PREX1: variants seen among roughly 807,000 people sequenced by gnomAD.
The protein encoded by PREX1 is phosphatidylinositol 3,4,5-trisphosphate-dependent Rac exchanger 1 protein.
PREX1 carries 41 observed loss-of-function variants against 198.3 expected under a neutral mutation model. The ratio of observed to expected loss-of-function variants is 0.21; its 90% CI spans 0.16 to 0.27. PREX1 has a LOEUF of 0.27. Ranked by LOEUF, PREX1 falls within the 10% of genes least tolerant of loss-of-function variation. The probability of loss-of-function intolerance (pLI) is 1.00; values close to 1 mark genes in which losing one functional copy is unlikely to be tolerated. For missense variants in PREX1, 1,620 were observed against 2,200.7 expected, an observed-to-expected ratio of 0.74 and a Z score of 5.28; for synonymous variants, 843 against 887.2, an observed-to-expected ratio of 0.95 and a Z score of 0.89.
chr20:48,885,041 A>G, the PREX1 span, among the ~76,000 whole-genome samples: 2 of 152,272 alleles, frequency 1.3e-5, no homozygotes, highest in African/African-American at 4.8e-5. Context: ...AAATTACTCA[A>G]CCTCTCTCTG....
intron 1 of PREX1, among the ~76,000 whole-genome samples, chr20:48,769,172 C>CA (rs1568857282): frequency 1.3e-5 from 2 of 152,188 alleles, no homozygotes; most frequent in African/African-American, 4.8e-5. Context: ...ACCCTCCACA[C>CA]ACACCCCCTC....
At chr20:48,701,475 A>G (rs2089873729) in intron 6 of PREX1, among the ~76,000 whole-genome samples, 1 of 151,868 alleles carries the variant, frequency 6.6e-6, no homozygotes, top group Non-Finnish European at 1.5e-5. Context: ...CAGCTTCCCA[A>G]AGTGTAGGGA....
At chr20:48,757,323 G>C (rs2090159790) in intron 1 of PREX1, among the ~76,000 whole-genome samples, 1 of 152,206 alleles carries the variant, frequency 6.6e-6, no homozygotes. Flanking sequence ...GTGGCAGCTT[G>C]TTTGGGCAGT....
At chr20:48,774,346 G>A (rs2090251256) in intron 1 of PREX1, among the ~76,000 whole-genome samples, 1 of 152,206 alleles carries the variant, frequency 6.6e-6, no homozygotes, top group African/African-American at 2.4e-5. Context: ...GACACACGAG[G>A]GAGGGGTTGA....
chr20:48,820,295 T>G (rs779887185), intron 1 of PREX1, among the ~76,000 whole-genome samples: 1 of 152,208 alleles, frequency 6.6e-6, no homozygotes, highest in African/African-American at 2.4e-5. Context: ...ACACAGTCAC[T>G]GTACTCCCCA....
intron 27 of PREX1, among the ~76,000 whole-genome samples, chr20:48,643,364 G>A (rs1050633217): frequency 5.9e-5 from 9 of 152,026 alleles, no homozygotes; most frequent in African/African-American, 2.2e-4. Context: ...AGCTACTCAG[G>A]AGCCTGAGGC....
At chr20:48,644,326 A>G (rs887582850) in intron 27 of PREX1, 83 bp downstream of exon 27, 12 of 1,163,026 alleles carry the variant, frequency 1.0e-5, no homozygotes, top group Middle Eastern at 3.9e-4. Context: ...AATGCAGAGG[A>G]AAGTATAATA....
chr20:48,736,148 A>G (rs2090056287), intron 3 of PREX1, among the ~76,000 whole-genome samples: 3 of 151,932 alleles, frequency 2.0e-5, no homozygotes, highest in South Asian at 4.1e-4. Flanking sequence ...CTGGCACACA[A>G]TACTTCACAA....
the PREX1 span, among the ~76,000 whole-genome samples, chr20:48,882,558 A>G: frequency 7.0e-6 from 1 of 142,988 alleles, no homozygotes; most frequent in Non-Finnish European, 1.5e-5. Context: ...TGAAGTTTCT[A>G]TGTGTATGTA....
intron 2 of PREX1, among the ~76,000 whole-genome samples, chr20:48,747,009 CA>C (rs2090111790): frequency 6.1e-5 from 8 of 130,644 alleles, no homozygotes; most frequent in South Asian, 5.3e-4. Flanking sequence ...CACACACACA[CA>C]CCCCACCCCC....
rs2089255939 is a variant in PREX1, at chr20:48,624,609, G to C, written c.*1276C>G. ...CAGGCGTCCCCCCGCTTCCTCCCCA[G>C]CTGTGACCTTTCCCTGAAGGCATAC... On this transcript the variant is annotated 3_prime_UTR_variant, in exon 40 of 40. Transcript: ENST00000371941. The C allele has an allele frequency of 6.6e-6, 1 of 152,314 alleles. No homozygotes were observed. The highest frequency in any genetic ancestry group is 1.5e-5 in the Non-Finnish European group (1 of 68,106). 9.4% of individuals were successfully genotyped at this position (152,314 alleles called of 1,614,324 possible).
chr20:48,677,121 G>C (rs1453922697), intron 13 of PREX1, among the ~76,000 whole-genome samples: 2 of 151,534 alleles, frequency 1.3e-5, no homozygotes, highest in East Asian at 1.9e-4. Context: ...CTTTAGGACT[G>C]GGGGGGTCTG....
Position 48,708,164 on chromosome 20 carries a change from G to T in PREX1, c.783+96C>A, listed in dbSNP as rs1196184413. 5 of 1,330,000 alleles carry T rather than the reference G, an allele frequency of 3.8e-6. No individual in the cohort carries two copies. In the African/African-American group the frequency reaches 4.4e-5, roughly 12 times the overall value. The allele number at this position is 1,330,000 out of a possible 1,614,324, so 82.4% of individuals were successfully genotyped here. ...CACTGTAGGCCAAACAAAATACATT[G>T]CAGACTGACAGGTGCCCAGGCCTCA... On this transcript the variant is annotated intron_variant, in intron 6 of 39. Transcript: ENST00000371941.
At chr20:48,811,030 C>A (rs2090431687) in intron 1 of PREX1, among the ~76,000 whole-genome samples, 1 of 152,176 alleles carries the variant, frequency 6.6e-6, no homozygotes, top group Non-Finnish European at 1.5e-5. Flanking sequence ...CTGTGCCCTG[C>A]AGAAGGGGCA....
chr20:48,865,367 C>A, the PREX1 span, among the ~76,000 whole-genome samples: 1 of 152,176 alleles, frequency 6.6e-6, no homozygotes. Context: ...TCTCCTACCC[C>A]CCACACAGGT....
chr20:48,866,720 C>T, the PREX1 span, among the ~76,000 whole-genome samples: 7 of 152,156 alleles, frequency 4.6e-5, no homozygotes, highest in East Asian at 1.9e-4. Flanking sequence ...TGAGTCTGGG[C>T]GCTAGAGACC....
At position 48,761,553 on chromosome 20, in the gene PREX1, G is replaced by A. The variant is rs1240594132; in HGVS notation, c.220-13673C>T. On this transcript the variant is annotated intron_variant, in intron 1 of 39. Transcript: ENST00000371941. ...CGCCCCGTTCCCCACCACATCGGGA[G>A]AGGAAGTTGATGCAAAAAACAAGTT... Among the ~76,000 whole-genome samples the A allele has an allele frequency of 4.0e-5, 6 of 151,766 alleles. No homozygotes were observed. In the East Asian group the frequency reaches 9.7e-4, roughly 24 times the overall value.
intron 30 of PREX1, among the ~76,000 whole-genome samples, chr20:48,638,420 G>A (rs2089382964): frequency 6.6e-6 from 1 of 152,104 alleles, no homozygotes; most frequent in South Asian, 2.1e-4. Flanking sequence ...GCCCTGTCCT[G>A]CAAAAAAAGC....
intron 5 of PREX1, among the ~76,000 whole-genome samples, chr20:48,711,611 A>G (rs921105777): frequency 1.1e-4 from 17 of 152,162 alleles, no homozygotes; most frequent in Non-Finnish European, 1.3e-4. Context: ...TTTTGTCGGA[A>G]CCAAGTATCC....
Sources: gnomAD v4.1 joint callset for allele counts (sites outside exome capture counted in the v4.1 genomes callset) on GRCh38, gnomAD v4.1.1 for gene constraint, MANE v1.5 for transcripts, NCBI Gene and HGNC (gene_info 2026-07-23, HGNC 2026-07-21) for gene names.